HNRNPLL: variants seen among roughly 807,000 people sequenced by gnomAD.
HNRNPLL encodes heterogeneous nuclear ribonucleoprotein L-like.
In HNRNPLL, 25 loss-of-function variants were observed where a neutral mutation model predicts 67.1. The observed-to-expected ratio is 0.37, with a 90% CI of 0.27 to 0.52. The LOEUF (loss-of-function observed/expected upper bound fraction) is 0.52. Ranked by LOEUF, HNRNPLL falls within the 20% of genes least tolerant of loss-of-function variation. The probability of loss-of-function intolerance (pLI) is 0.90; values close to 1 mark genes in which losing one functional copy is unlikely to be tolerated. For missense variants in HNRNPLL, 542 were observed against 673.9 expected, an observed-to-expected ratio of 0.80 and a Z score of 2.17; for synonymous variants, 267 against 241.7, an observed-to-expected ratio of 1.10 and a Z score of -0.97.
At chr2:38,582,933 C>T (rs1453717621) in intron 4 of HNRNPLL, among the ~76,000 whole-genome samples, 1 of 151,692 alleles carries the variant, frequency 6.6e-6, no homozygotes, top group Non-Finnish European at 1.5e-5. Context: ...AACTATCTAC[C>T]TTAATTCTTT....
rs1401730430 is a variant in HNRNPLL, at chr2:38,573,727, T to A, written c.875-300A>T. Among the ~76,000 whole-genome samples, 3 of 151,812 alleles carry A rather than the reference T, an allele frequency of 2.0e-5. No individual in the cohort carries two copies. In the East Asian group the frequency reaches 5.8e-4, roughly 29 times the overall value. On this transcript the variant is annotated intron_variant, in intron 7 of 12. Transcript: ENST00000449105. The stretch of plus-strand genomic sequence containing the variant: ...GACTATGGGGGGTTAAGAAAATGAA[T>A]GTAAAGTCTGGGGCTACTGTATATA...
At chr2:38,586,453 G>C (rs111723360) in intron 2 of HNRNPLL, among the ~76,000 whole-genome samples, 9 of 152,148 alleles carry the variant, frequency 5.9e-5, no homozygotes, top group Non-Finnish European at 1.0e-4. Flanking sequence ...AGACAACCCA[G>C]TTTATTCTTT....
intron 2 of HNRNPLL, among the ~76,000 whole-genome samples, chr2:38,590,515 T>C (rs1274189173): frequency 1.3e-5 from 2 of 152,220 alleles, no homozygotes; most frequent in Non-Finnish European, 1.5e-5. Context: ...AGATTATCTA[T>C]ACTAAGAAAA....
chr2:38,566,943 G>A (rs1377265113), intron 12 of HNRNPLL, among the ~76,000 whole-genome samples: 1 of 151,980 alleles, frequency 6.6e-6, no homozygotes, highest in East Asian at 1.9e-4. Flanking sequence ...TCAGTGGGGG[G>A]ACGGGTAAAT....
intron 2 of HNRNPLL, 32 bp downstream of exon 2, chr2:38,591,498 T>G (rs1244184397): frequency 1.8e-6 from 2 of 1,093,964 alleles, no homozygotes; most frequent in Non-Finnish European, 2.8e-6. Context: ...TACCACAGTT[T>G]TCAATCTACA....
chr2:38,595,265 C>A (rs1170950437), intron 1 of HNRNPLL, among the ~76,000 whole-genome samples: 15 of 112,092 alleles, frequency 1.3e-4, no homozygotes, highest in African/African-American at 4.7e-4. Flanking sequence ...ATGAGCAAGA[C>A]CTTGTCTAAA....
intron 1 of HNRNPLL, among the ~76,000 whole-genome samples, chr2:38,594,889 A>G (rs1260112909): frequency 6.6e-6 from 1 of 152,096 alleles, no homozygotes; most frequent in African/African-American, 2.4e-5. Context: ...GGTTGCAGTG[A>G]ACTGAGATCA....
chr2:38,575,428 A>G (rs1666263750), intron 7 of HNRNPLL, among the ~76,000 whole-genome samples: 1 of 151,852 alleles, frequency 6.6e-6, no homozygotes, highest in African/African-American at 2.4e-5. Context: ...ACCATATCCA[A>G]AGATGCTACA....
intron 1 of HNRNPLL, chr2:38,601,881 A>T (rs999830442): frequency 5.2e-5 from 8 of 152,614 alleles, no homozygotes; most frequent in African/African-American, 1.9e-4. Flanking sequence ...GCTTATAAAG[A>T]GTTTAATTTT....
At chr2:38,576,858 T>C (rs1435600963) in intron 7 of HNRNPLL, among the ~76,000 whole-genome samples, 4 of 151,970 alleles carry the variant, frequency 2.6e-5, no homozygotes, top group East Asian at 3.8e-4. Flanking sequence ...ATTCTACTTA[T>C]AAGAACAATA....
chr2:38,580,631 A>T (rs1666488914), intron 6 of HNRNPLL, among the ~76,000 whole-genome samples: 1 of 152,194 alleles, frequency 6.6e-6, no homozygotes, highest in Non-Finnish European at 1.5e-5. Context: ...TGTAGTTAAG[A>T]TGTAGCCAAT....
At chr2:38,564,294 T>G in intron 12 of HNRNPLL, 57 bp from the exon 13 acceptor site, 1 of 917,986 alleles carries the variant, frequency 1.1e-6, no homozygotes, top group Non-Finnish European at 1.8e-6. Context: ...AAGATCACCT[T>G]GAAGTATCAG....
chr2:38,586,634 T>A (rs560934883), intron 2 of HNRNPLL, among the ~76,000 whole-genome samples: 4 of 152,296 alleles, frequency 2.6e-5, no homozygotes, highest in African/African-American at 7.2e-5. Context: ...ACTATACTTT[T>A]AAAACAGAGA....
intron 1 of HNRNPLL, among the ~76,000 whole-genome samples, chr2:38,598,355 C>T (rs1019195996): frequency 6.6e-6 from 1 of 152,178 alleles, no homozygotes; most frequent in African/African-American, 2.4e-5. Flanking sequence ...GAAAGAGAAT[C>T]AAGTCCCTAT....
intron 1 of HNRNPLL, among the ~76,000 whole-genome samples, chr2:38,592,380 CGTA>C (rs1666998248): frequency 6.6e-6 from 1 of 152,258 alleles, no homozygotes; most frequent in African/African-American, 2.4e-5. Context: ...TTTCCTGTAA[CGTA>C]GTAGATTTGT....
At chr2:38,595,525 G>C (rs1282818098) in intron 1 of HNRNPLL, among the ~76,000 whole-genome samples, 2 of 151,984 alleles carry the variant, frequency 1.3e-5, no homozygotes, top group East Asian at 3.9e-4. Flanking sequence ...GTGGAATAAA[G>C]TGAAACCACA....
intron 2 of HNRNPLL, among the ~76,000 whole-genome samples, chr2:38,589,471 A>G (rs1666876562): frequency 6.6e-6 from 1 of 152,228 alleles, no homozygotes; most frequent in Admixed American, 6.5e-5. Flanking sequence ...TTCATTTCAT[A>G]CAACTGAAAC....
At chr2:38,583,421 T>G (rs1484941910) in intron 4 of HNRNPLL, among the ~76,000 whole-genome samples, 1 of 152,162 alleles carries the variant, frequency 6.6e-6, no homozygotes, top group Non-Finnish European at 1.5e-5. Context: ...CTCTTCTTAC[T>G]CAATGTGTGA....
chr2:38,578,209 G>A (rs1056404792), intron 6 of HNRNPLL, among the ~76,000 whole-genome samples: 25 of 151,904 alleles, frequency 1.6e-4, no homozygotes, highest in African/African-American at 6.0e-4. Flanking sequence ...GCTAACCAAG[G>A]GGGCTACATT....
Sources: gnomAD v4.1 joint callset for allele counts (sites outside exome capture counted in the v4.1 genomes callset) on GRCh38, gnomAD v4.1.1 for gene constraint, MANE v1.5 for transcripts, NCBI Gene and HGNC (gene_info 2026-07-23, HGNC 2026-07-21) for gene names.